The following IDH2 variants were observed in gnomAD, a reference collection of about 807,000 sequenced individuals.
IDH2 encodes isocitrate dehydrogenase [NADP], mitochondrial.
In IDH2, 18 loss-of-function variants were observed where a neutral mutation model predicts 50.5. That is an observed-to-expected ratio of 0.36 (90% CI 0.25 to 0.53). The LOEUF (loss-of-function observed/expected upper bound fraction) is 0.53. Ranked by LOEUF, IDH2 falls within the 20% of genes least tolerant of loss-of-function variation. The pLI is 0.92. For missense variants in IDH2, 518 were observed against 610.7 expected (o/e 0.85, Z 1.60); for synonymous variants, 280 against 239.8 (o/e 1.17, Z -1.55).
intron 1 of IDH2, among the ~76,000 whole-genome samples, chr15:90,096,331 TTAAA>T (rs1901179348): frequency 6.6e-6 from 1 of 151,940 alleles, no homozygotes; most frequent in Admixed American, 6.6e-5. Flanking sequence ...GACAAAAGAC[TTAAA>T]TAGACATTTC....
rs1189409333 is a variant in IDH2, at chr15:90,090,491, C to A, written c.361G>T (p.Ala121Ser). 2 of 1,613,504 alleles carry A rather than the reference C, an allele frequency of 1.2e-6. No individual in the cohort carries two copies. The highest frequency in any genetic ancestry group is 1.7e-6 in the Non-Finnish European group (2 of 1,180,036). Residue 121 changes from alanine (A) to serine (S), a missense_variant, in exon 3 of 11, where the codon GCC becomes TCC. This residue lies in a region of IDH2 where 68 missense variants were observed against 109.7 expected (regional missense o/e 0.62). Transcript: ENST00000330062. ...CACACCCTCGCACCTTCCACACGGG[C>A]CTCATCAGGGGTGATGGTGGCACAC... The part of the protein sequence containing the change: ...VKCATITPDE[A>S]RVEEFKLKKM...
chr15:90,101,160 C>G (rs1482881780), intron 1 of IDH2, among the ~76,000 whole-genome samples: 1 of 151,948 alleles, frequency 6.6e-6, no homozygotes, highest in African/African-American at 2.4e-5. Flanking sequence ...GACTGGGGCC[C>G]AAGCCTCCCT....
chr15:90,090,470 C>A lies in IDH2; in HGVS notation c.373+9G>T, dbSNP rs755607312. The A allele has an allele frequency of 1.5e-5, 24 of 1,612,586 alleles. No individual in the cohort carries two copies. The highest frequency in any genetic ancestry group is 1.3e-4 in the South Asian group (12 of 90,994). On this transcript the variant is annotated intron_variant, in intron 3 of 10. Transcript: ENST00000330062. ...CCTCCCTGGCCCGCCCACCTCCACA[C>A]CCTCGCACCTTCCACACGGGCCTCA...
intron 5 of IDH2, 88 bp from the exon 6 acceptor site, chr15:90,087,663 T>G: frequency 6.6e-7 from 1 of 1,507,188 alleles, no homozygotes; most frequent in South Asian, 1.1e-5. Context: ...GGCCCAGCTC[T>G]CCAGGAACGG....
chr15:90,084,176 G>C lies in IDH2; in HGVS notation c.*90C>G, dbSNP rs762504266. The C allele has an allele frequency of 7.1e-6, 7 of 981,256 alleles. No individual in the cohort carries two copies. In the South Asian group the frequency reaches 9.4e-5, roughly 13 times the overall value. 60.8% of individuals were successfully genotyped at this position (981,256 alleles called of 1,614,324 possible). A position where few individuals can be genotyped will look rare whatever the true frequency, so the allele number is the denominator to read the frequency against. ...CATCCCCTAGAAAGGCCTCCAGAGA[G>C]GGGCTGTGAGGCTCACCCTCTGCCG... is the stretch of plus-strand genomic sequence containing the variant. On this transcript the variant is annotated 3_prime_UTR_variant, in exon 11 of 11. Coordinates refer to ENST00000330062, the MANE Select transcript of IDH2 (RefSeq NM_002168.4). The surrounding 1 kb of genome is among the most constrained non-coding windows in gnomAD (Gnocchi z 5.0).
chr15:90,086,505 T>C (rs1414559135), intron 7 of IDH2, among the ~76,000 whole-genome samples: 1 of 152,174 alleles, frequency 6.6e-6, no homozygotes, highest in Non-Finnish European at 1.5e-5. Context: ...GAGATTCTCC[T>C]GCCTCAGCCT....
rs905821101 is a variant in IDH2, at chr15:90,100,535, G to A, written c.115+1741C>T. On this transcript the variant is annotated intron_variant, in intron 1 of 10. Transcript: ENST00000330062. This position sits in a 1 kb window ranked among gnomAD's most constrained non-coding sequence, Gnocchi z 4.1. ...AGATAAGTAATTCTGCCACTGAGCC[G>A]TTCACAGAACTGGTCCGCACTGCCC... is the stretch of plus-strand genomic sequence containing the variant. The A allele has an allele frequency of 2.3e-5, 16 of 701,356 alleles. No homozygotes were observed. The highest frequency in any genetic ancestry group is 9.7e-5 in the African/African-American group (5 of 51,684). 43.4% of individuals were successfully genotyped at this position (701,356 alleles called of 1,614,324 possible). A position where few individuals can be genotyped will look rare whatever the true frequency, so the allele number is the denominator to read the frequency against.
chr15:90,085,345 G>T lies in IDH2; in HGVS notation c.1010C>A (p.Pro337His). Residue 337 changes from proline to histidine, a missense_variant, in exon 8 of 11, where the codon CCT (proline) becomes CAT (histidine). Physicochemically the swap from Pro to His is moderately conservative, Grantham distance 77. This residue lies in a region of IDH2 where 135 missense variants were observed against 167.6 expected (regional missense o/e 0.81). Coordinates refer to ENST00000330062, the MANE Select transcript of IDH2 (RefSeq NM_002168.4). This position sits in a 1 kb window ranked among gnomAD's most constrained non-coding sequence, Gnocchi z 5.5. ...LGLMTSVLVC[P>H]DGKTIEAEAA... is the part of the protein sequence containing the mutation. ...CTCAGCCTCAATCGTCTTCCCATCA[G>T]GGCAGACCAGGACGGACGTCATCAG... 6.4e-7 allele frequency: 1 copy of T among 1,556,342 alleles called. No homozygotes were observed. Among genetic ancestry groups the T allele is most frequent in the East Asian group, 2.4e-5 (1 of 41,724 alleles).
Position 90,102,327 on chromosome 15 carries a change from C to A in IDH2, c.64G>T (p.Ala22Ser), listed in dbSNP as rs1282863956. ...GTGGGGGCTGTCAGGGCCGCCGGCG[C>A]CCAGGCCGGCCGCGAGCCTGAGGCT... Reference protein sequence around the residue: ...CRASGSRPAWAPAALTAPTSQ... With the variant: ...CRASGSRPAWSPAALTAPTSQ... Residue 22 changes from alanine (A) to serine (S), a missense_variant, in exon 1 of 11, where the codon GCG (alanine) becomes TCG (serine). Physicochemically the swap from Ala to Ser is moderately conservative, Grantham distance 99 (BLOSUM62 1). This residue lies in a region of IDH2 where 85 missense variants were observed against 66.9 expected (regional missense o/e 1.27). Transcript: ENST00000330062. 2 of 1,361,776 alleles carry A rather than the reference C, an allele frequency of 1.5e-6. No individual in the cohort carries two copies. The highest frequency in any genetic ancestry group is 5.3e-5 in the Admixed American group (2 of 38,018). The allele number at this position is 1,361,776 out of a possible 1,614,324, so 84.4% of individuals were successfully genotyped here. A position where few individuals can be genotyped will look rare whatever the true frequency, so the allele number is the denominator to read the frequency against.
rs777789880 is a variant in IDH2 at position 90,102,320 on chromosome 15, G to A, written c.71C>T (p.Ala24Val). The A allele has an allele frequency of 2.2e-6, 3 of 1,357,090 alleles. No individual in the cohort carries two copies. The highest frequency in any genetic ancestry group is 5.3e-5 in the Admixed American group (2 of 37,926). 84.1% of individuals were successfully genotyped at this position (1,357,090 alleles called of 1,614,324 possible). A position where few individuals can be genotyped will look rare whatever the true frequency, so the allele number is the denominator to read the frequency against. ...ASGSRPAWAP[A>V]ALTAPTSQEQ... Reference sequence around the variant, plus strand: ...TTGCGAGGTGGGGGCTGTCAGGGCCGCCGGCGCCCAGGCCGGCCGCGAGCC... The same window carrying A: ...TTGCGAGGTGGGGGCTGTCAGGGCCACCGGCGCCCAGGCCGGCCGCGAGCC... Residue 24 changes from alanine to valine, a missense_variant, in exon 1 of 11, where the codon GCG (alanine) becomes GTG (valine). Physicochemically the swap from Ala to Val is moderately conservative, Grantham distance 64 (BLOSUM62 0). Transcript: ENST00000330062.
Position 90,100,744 on chromosome 15 carries a change from T to A in IDH2, c.115+1532A>T. 1.4e-6 allele frequency: 1 copy of A among 728,138 alleles called. No individual in the cohort carries two copies. The highest frequency in any genetic ancestry group is 1.7e-6 in the Non-Finnish European group (1 of 594,982). 45.1% of individuals were successfully genotyped at this position (728,138 alleles called of 1,614,324 possible). A position where few individuals can be genotyped will look rare whatever the true frequency, so the allele number is the denominator to read the frequency against. On this transcript the variant is annotated intron_variant, in intron 1 of 10. Coordinates refer to ENST00000330062, the MANE Select transcript of IDH2 (RefSeq NM_002168.4). The surrounding 1 kb of genome is among the most constrained non-coding windows in gnomAD (Gnocchi z 4.1). Reference sequence around the variant, plus strand: ...TTCTGTCTCCAGCTGCGTTGCCAGGTAACAAGCTGGCAGAGTCGCAACTGT... The same window carrying A: ...TTCTGTCTCCAGCTGCGTTGCCAGGAAACAAGCTGGCAGAGTCGCAACTGT...
At chr15:90,088,910 T>C (rs1900953744) in intron 3 of IDH2, among the ~76,000 whole-genome samples, 163 bp from the exon 4 acceptor site, 1 of 136,274 alleles carries the variant, frequency 7.3e-6, no homozygotes, top group African/African-American at 2.8e-5. Flanking sequence ...CTGCCAATTT[T>C]TTTTTTTTTT....
chr15:90,088,509 A>G lies in IDH2; in HGVS notation c.535-7T>C, dbSNP rs1357265778. The stretch of plus-strand genomic sequence containing the variant: ...CAAAGTCTGTGGCCTTGTACTGCAG[A>G]GACAAGAGGATGGCTAGGCGAGGAG... On this transcript the variant is annotated splice_polypyrimidine_tract_variant and splice_region_variant and intron_variant, in intron 4 of 10. Coordinates refer to ENST00000330062, the MANE Select transcript of IDH2 (RefSeq NM_002168.4). 4 of 1,614,194 alleles carry G rather than the reference A, an allele frequency of 2.5e-6. No individual in the cohort carries two copies. The highest frequency in any genetic ancestry group is 3.4e-6 in the Non-Finnish European group (4 of 1,180,038).
rs1312764266 is a variant in IDH2, at chr15:90,085,558, C to T, written c.968-171G>A. On this transcript the variant is annotated intron_variant, in intron 7 of 10. Coordinates refer to ENST00000330062, the MANE Select transcript of IDH2 (RefSeq NM_002168.4). The surrounding 1 kb of genome is among the most constrained non-coding windows in gnomAD (Gnocchi z 5.5). The stretch of plus-strand genomic sequence containing the variant: ...GACTGTTCCAGGTCTCTTCACCCTC[C>T]TGTGGGTCTCCAGGGCCCAGCACAG... Among the ~76,000 whole-genome samples the T allele has an allele frequency of 2.0e-5, 3 of 152,346 alleles. No homozygotes were observed. Among genetic ancestry groups the T allele is most frequent in the Admixed American group, 2.0e-4 (3 of 15,306 alleles).
chr15:90,093,074 A>C (rs1402022525), intron 1 of IDH2, among the ~76,000 whole-genome samples: 1 of 151,654 alleles, frequency 6.6e-6, no homozygotes. Context: ...AGAGGAGATC[A>C]ACACAAAGAA....
intron 1 of IDH2, 107 bp downstream of exon 1, chr15:90,102,169 T>TC: frequency 2.5e-6 from 1 of 407,758 alleles, no homozygotes; most frequent in South Asian, 1.3e-4. Context: ...GACCCCGCCG[T>TC]CCCCGGGCTG....
chr15:90,093,739 C>A (rs1901109697), intron 1 of IDH2, among the ~76,000 whole-genome samples: 1 of 152,188 alleles, frequency 6.6e-6, no homozygotes, highest in South Asian at 2.1e-4. Flanking sequence ...GCTGTCTCAG[C>A]TTCCTGAGTA....
At position 90,083,265 on chromosome 15, in the gene IDH2, T is replaced by G. The variant is rs1000133962; in HGVS notation, c.*1001A>C. ...TTCCTGCCTCAGCCTCCCGAGTAGC[T>G]GGGACTGCAGGTGCGCATCACCACG... On this transcript the variant is annotated 3_prime_UTR_variant, in exon 11 of 11. Transcript: ENST00000330062. 6.6e-6 allele frequency: 1 copy of G among 151,360 alleles called. No homozygotes were observed. Among genetic ancestry groups the G allele is most frequent in the African/African-American group, 2.4e-5 (1 of 41,136 alleles). The allele number at this position is 151,360 out of a possible 1,614,324, so 9.4% of individuals were successfully genotyped here.
At chr15:90,091,953 A>G (rs1901050649) in intron 1 of IDH2, among the ~76,000 whole-genome samples, 1 of 152,196 alleles carries the variant, frequency 6.6e-6, no homozygotes, top group African/African-American at 2.4e-5. Flanking sequence ...CAGGTGAGTG[A>G]GCACTACTAC....
Sources: allele counts gnomAD v4.1 joint callset (sites outside exome capture counted in the v4.1 genomes callset), GRCh38; gene constraint gnomAD v4.1.1; regional missense constraint gnomAD v4.1.1; non-coding constraint Gnocchi (gnomAD v3.1); transcripts MANE v1.5; gene names NCBI Gene and HGNC (gene_info 2026-07-23, HGNC 2026-07-21).